Variants in SASH1 observed in about 807,000 individuals in gnomAD.
SASH1 encodes the protein SAM and SH3 domain containing 1.
A neutral mutation model predicts 125.2 loss-of-function variants in SASH1; 44 were observed. The ratio of observed to expected loss-of-function variants is 0.35; its 90% confidence interval spans 0.28 to 0.45. SASH1 has a LOEUF of 0.45. Among genes scored for constraint, SASH1 ranks in the 20% least tolerant of loss-of-function variants. SASH1 has a pLI of 1.00. For missense variants in SASH1, 1,426 were observed against 1,614.5 expected (o/e 0.88, Z 2.00); for synonymous variants, 639 against 649.1 (o/e 0.98, Z 0.24).
intron 2 of SASH1, among the ~76,000 whole-genome samples, chr6:148,423,130 G>A (rs2473556): frequency 0.44 from 66,616 of 151,912 alleles, 14,734 homozygotes; most frequent in South Asian, 0.67. Flanking sequence ...TTAGAGACAG[G>A]GTTTCACCAT....
chr6:148,343,451 A>G (rs1781411435), intron 1 of SASH1, among the ~76,000 whole-genome samples: 1 of 152,232 alleles, frequency 6.6e-6, no homozygotes, highest in African/African-American at 2.4e-5. Flanking sequence ...ACAATCGGGT[A>G]TGATATTCAA....
At chr6:148,403,019 T>C (rs897368144) in intron 2 of SASH1, among the ~76,000 whole-genome samples, 2 of 152,120 alleles carry the variant, frequency 1.3e-5, no homozygotes, top group Admixed American at 1.3e-4. Context: ...AGATATTCAT[T>C]ATAAAGTTAG....
At chr6:148,340,911 G>T (rs766462893), upstream of SASH1, among the ~76,000 whole-genome samples, 6 of 152,156 alleles carry the variant, frequency 3.9e-5, no homozygotes, top group Non-Finnish European at 4.4e-5. Flanking sequence ...CAAGGAGGGA[G>T]GATCCCTTGA....
At chr6:148,289,212 A>G (rs2493923) in intron 1 of SASH1, among the ~76,000 whole-genome samples, 73,408 of 151,972 alleles carry the variant, frequency 0.48, 18,165 homozygotes, top group East Asian at 0.59. Context: ...TTCCCAGCCC[A>G]GGTCACCTCA....
intron 1 of SASH1, among the ~76,000 whole-genome samples, chr6:148,376,370 G>A (rs1455142975): frequency 6.6e-6 from 1 of 151,980 alleles, no homozygotes; most frequent in Non-Finnish European, 1.5e-5. Flanking sequence ...TGCCTCCTGC[G>A]TCTTTCTGAC....
intron 2 of SASH1, among the ~76,000 whole-genome samples, chr6:148,396,055 C>T (rs542069859): frequency 2.6e-5 from 4 of 152,262 alleles, no homozygotes; most frequent in African/African-American, 9.6e-5. Flanking sequence ...GGCCCAGCTT[C>T]TGTGCCAATT....
intron 8 of SASH1, among the ~76,000 whole-genome samples, chr6:148,490,822 A>G (rs1006858113): frequency 2.0e-5 from 3 of 152,128 alleles, no homozygotes; most frequent in South Asian, 2.1e-4. Flanking sequence ...GCTTTAATCA[A>G]TTTCTTAAAT....
chr6:148,393,232 T>C (rs891963357), intron 2 of SASH1, among the ~76,000 whole-genome samples: 2 of 150,622 alleles, frequency 1.3e-5, no homozygotes, highest in African/African-American at 4.9e-5. Context: ...TTTTTTTTTT[T>C]TTTTTTTAGC....
intron 1 of SASH1, among the ~76,000 whole-genome samples, chr6:148,344,347 G>C (rs1354939184): frequency 6.6e-6 from 1 of 152,186 alleles, no homozygotes; most frequent in Non-Finnish European, 1.5e-5. Flanking sequence ...AGACTGTATA[G>C]CATATAGTAG....
At chr6:148,420,592 C>G (rs1480261827) in intron 2 of SASH1, among the ~76,000 whole-genome samples, 1 of 152,120 alleles carries the variant, frequency 6.6e-6, no homozygotes, top group African/African-American at 2.4e-5. Flanking sequence ...TATACAATGA[C>G]TTCAAGCTGT....
chr6:148,356,653 A>G (rs1781958119), intron 1 of SASH1, among the ~76,000 whole-genome samples: 1 of 149,388 alleles, frequency 6.7e-6, no homozygotes, highest in South Asian at 2.1e-4. Flanking sequence ...TATTTTTAGT[A>G]GAGACAGGCC....
intron 2 of SASH1, among the ~76,000 whole-genome samples, chr6:148,391,200 C>G (rs1783708251): frequency 6.6e-6 from 1 of 151,888 alleles, no homozygotes; most frequent in Non-Finnish European, 1.5e-5. Flanking sequence ...ACTTCCACCT[C>G]CCAGGTTCAA....
intron 2 of SASH1, among the ~76,000 whole-genome samples, chr6:148,423,207 G>A (rs1375342949): frequency 6.6e-6 from 1 of 152,228 alleles, no homozygotes; most frequent in Non-Finnish European, 1.5e-5. Flanking sequence ...AAAGTGTTGG[G>A]ATTACAGGCG....
intron 4 of SASH1, among the ~76,000 whole-genome samples, chr6:148,465,606 G>A (rs1777797890): frequency 2.0e-5 from 3 of 151,828 alleles, no homozygotes; most frequent in African/African-American, 4.8e-5. Context: ...AAATACATAT[G>A]GGGCTCCCTG....
the SASH1 span, among the ~76,000 whole-genome samples, chr6:148,254,124 T>A: frequency 6.6e-6 from 1 of 150,878 alleles, no homozygotes; most frequent in Admixed American, 6.6e-5. Context: ...CAAGAATCGC[T>A]TGAACCTGGG....
chr6:148,282,382 A>AC (rs1554229261), intron 1 of SASH1, among the ~76,000 whole-genome samples: 1 of 149,972 alleles, frequency 6.7e-6, no homozygotes, highest in Non-Finnish European at 1.5e-5. Context: ...TGCCCAGGAG[A>AC]TTTTTTTTTT....
intron 8 of SASH1, among the ~76,000 whole-genome samples, chr6:148,488,906 C>T (rs1426863195): frequency 5.9e-5 from 9 of 152,110 alleles, no homozygotes; most frequent in Admixed American, 5.9e-4. Flanking sequence ...GTAAATATTT[C>T]CTCCCACTCT....
chr6:148,279,139 A>G (rs1033770390), intron 1 of SASH1, among the ~76,000 whole-genome samples: 3 of 152,104 alleles, frequency 2.0e-5, no homozygotes, highest in East Asian at 1.9e-4. Context: ...CTACAGGCGC[A>G]TGCTGCTATG....
At chr6:148,507,669 T>C (rs962109038) in intron 8 of SASH1, among the ~76,000 whole-genome samples, 3 of 152,186 alleles carry the variant, frequency 2.0e-5, no homozygotes, top group Non-Finnish European at 4.4e-5. Context: ...GTTTTTAGTT[T>C]AGGTAACCTC....
Sources: gnomAD v4.1 joint callset for allele counts (sites outside exome capture counted in the v4.1 genomes callset) on GRCh38, gnomAD v4.1.1 for gene constraint, MANE v1.5 for transcripts, NCBI Gene and HGNC (gene_info 2026-07-23, HGNC 2026-07-21) for gene names.